MAP4K5: variants seen among roughly 807,000 people sequenced by gnomAD.
MAP4K5 encodes mitogen-activated protein kinase kinase kinase kinase 5.
Under a neutral mutation model 135.6 loss-of-function variants are expected in MAP4K5, and 82 were observed. That is an observed-to-expected ratio of 0.60 (90% confidence interval 0.51 to 0.73). The LOEUF is 0.73. Among genes scored for constraint, MAP4K5 ranks in the 30% least tolerant of loss-of-function variants. The pLI is 0.00. For missense variants in MAP4K5, 907 were observed against 1,010.9 expected, an observed-to-expected ratio of 0.90 and a Z score of 1.39; for synonymous variants, 347 against 335.0, an observed-to-expected ratio of 1.04 and a Z score of -0.39.
At chr14:50,445,316 C>G (rs1265408017) in intron 17 of MAP4K5, 122 bp from the exon 18 acceptor site, 6 of 764,200 alleles carry the variant, frequency 7.9e-6, no homozygotes, top group Non-Finnish European at 9.7e-6. Flanking sequence ...GCTAAGTGAG[C>G]AAAGTAAGAG....
At chr14:50,556,921 C>A (rs879761545) in intron 1 of MAP4K5, among the ~76,000 whole-genome samples, 39 of 152,060 alleles carry the variant, frequency 2.6e-4, no homozygotes, top group Non-Finnish European at 5.1e-4. Context: ...TTGTTTCCAC[C>A]TTTTGGCTAT....
rs550076734 is a variant in MAP4K5 at position 50,464,177 on chromosome 14, C to T, written c.738-44G>A. The T allele has an allele frequency of 8.0e-5, 75 of 936,348 alleles. 3 individuals carry two copies. In the South Asian group the frequency reaches 1.0e-3, roughly 13 times the overall value. 58.0% of individuals were successfully genotyped at this position (936,348 alleles called of 1,614,324 possible). ...GTACAAAAATATTTCACTACTATTA[C>T]GTTTCGGTGTTAGTAAATAACATTA... On this transcript the variant is annotated intron_variant, in intron 11 of 32. Transcript: ENST00000682126.
intron 29 of MAP4K5, 85 bp from the exon 30 acceptor site, chr14:50,428,839 A>G: frequency 1.4e-6 from 1 of 709,420 alleles, no homozygotes; most frequent in Non-Finnish European, 2.4e-6. Context: ...TTACATGGAT[A>G]TCAAATAATA....
chr14:50,453,063 T>C (rs981627831), intron 14 of MAP4K5, among the ~76,000 whole-genome samples: 1 of 151,914 alleles, frequency 6.6e-6, no homozygotes, highest in Admixed American at 6.6e-5. Context: ...TTCTTACTAT[T>C]GCCCTTTGCA....
At chr14:50,430,432 T>A (rs1184509854) in intron 28 of MAP4K5, among the ~76,000 whole-genome samples, 1 of 152,236 alleles carries the variant, frequency 6.6e-6, no homozygotes, top group Admixed American at 6.5e-5. Context: ...GGCCACATTC[T>A]TAAAAGTACT....
chr14:50,514,787 G>A (rs1008203977), intron 2 of MAP4K5, among the ~76,000 whole-genome samples: 1 of 152,068 alleles, frequency 6.6e-6, no homozygotes, highest in South Asian at 2.1e-4. Flanking sequence ...TGCATTAAGG[G>A]AATATAAAGA....
In MAP4K5 at chr14:50,437,911, T is replaced by G; in HGVS notation, c.1806A>C (p.Pro602=). The G allele has an allele frequency of 6.2e-7, 1 of 1,605,012 alleles. No individual in the cohort carries two copies. Among genetic ancestry groups the G allele is most frequent in the Non-Finnish European group, 8.5e-7 (1 of 1,172,060 alleles). The part of the protein sequence containing the change: ...LAAHIQTHRF[P]DRILPRKFAL... ...TTTTGTACCTTGGTAGTATTCGGTC[T>G]GGAAACCTGTGAGTTTGAATATGGG... The change falls in exon 25 of 33, where the codon CCA becomes CCC. Residue 602 remains proline (P), a synonymous_variant. Transcript: ENST00000682126.
chr14:50,427,996 G>C (rs2035883478), intron 30 of MAP4K5, among the ~76,000 whole-genome samples: 1 of 152,176 alleles, frequency 6.6e-6, no homozygotes, highest in South Asian at 2.1e-4. Flanking sequence ...ATTGGGGGAA[G>C]TATAATTCAC....
intron 2 of MAP4K5, among the ~76,000 whole-genome samples, chr14:50,542,259 C>T (rs12880338): frequency 8.1e-6 from 1 of 123,202 alleles, no homozygotes; most frequent in Non-Finnish European, 1.6e-5. Context: ...GGGAGGGGAA[C>T]ATCACACACC....
At chr14:50,452,790 G>C (rs1344936081) in intron 14 of MAP4K5, among the ~76,000 whole-genome samples, 1 of 152,176 alleles carries the variant, frequency 6.6e-6, no homozygotes, top group African/African-American at 2.4e-5. Flanking sequence ...TCAAAAAGAG[G>C]TGACAAGGAA....
chr14:50,498,739 T>C (rs897795571), intron 3 of MAP4K5, among the ~76,000 whole-genome samples: 6 of 152,248 alleles, frequency 3.9e-5, no homozygotes, highest in Admixed American at 3.3e-4. Flanking sequence ...TGGAATTTCA[T>C]TTACTTAAAA....
chr14:50,421,504 C>T (rs900081030), intron 32 of MAP4K5, among the ~76,000 whole-genome samples: 2 of 151,892 alleles, frequency 1.3e-5, no homozygotes, highest in Non-Finnish European at 2.9e-5. Context: ...TCAGGTGATC[C>T]ACCTGCGTCG....
intron 25 of MAP4K5, 93 bp from the exon 26 acceptor site, chr14:50,437,627 G>C: frequency 1.1e-6 from 1 of 908,316 alleles, no homozygotes; most frequent in Non-Finnish European, 1.7e-6. Context: ...ACAGAAAGGA[G>C]CTTAAAAAAC....
At chr14:50,511,226 C>CA (rs1287813067) in intron 2 of MAP4K5, among the ~76,000 whole-genome samples, 9 of 151,842 alleles carry the variant, frequency 5.9e-5, no homozygotes, top group Non-Finnish European at 1.0e-4. Flanking sequence ...TATTTAGCCA[C>CA]AAAAAAGAAT....
At chr14:50,525,866 G>A (rs571292013) in intron 2 of MAP4K5, among the ~76,000 whole-genome samples, 17 of 152,130 alleles carry the variant, frequency 1.1e-4, no homozygotes, top group Non-Finnish European at 2.2e-4. Context: ...ATAAATAATT[G>A]AAAAGGTCCA....
chr14:50,423,330 C>T (rs1273338359), intron 31 of MAP4K5, among the ~76,000 whole-genome samples, 154 bp from the exon 32 acceptor site: 1 of 150,288 alleles, frequency 6.7e-6, no homozygotes, highest in Non-Finnish European at 1.5e-5. Context: ...TTTTTGATTG[C>T]ATATTATTAG....
intron 2 of MAP4K5, among the ~76,000 whole-genome samples, chr14:50,509,822 T>C (rs185561994): frequency 2.0e-5 from 3 of 152,298 alleles, no homozygotes; most frequent in African/African-American, 7.2e-5. Context: ...AAATTGTTTT[T>C]TCATTTAAAA....
Position 50,484,815 on chromosome 14 carries a change from C to T in MAP4K5, c.322+763G>A, listed in dbSNP as rs374297229. On this transcript the variant is annotated intron_variant, in intron 5 of 32. Coordinates refer to ENST00000682126, the MANE Select transcript of MAP4K5 (RefSeq NM_006575.6). Reference sequence around the variant, plus strand: ...CTACTGTGGCTGCATTTGTAAACTGCATGACTGAAATTTGGTAAGGTTTCC... The same window carrying T: ...CTACTGTGGCTGCATTTGTAAACTGTATGACTGAAATTTGGTAAGGTTTCC... Among the ~76,000 whole-genome samples the T allele has an allele frequency of 7.2e-5, 11 of 152,250 alleles. No individual in the cohort carries two copies. In the East Asian group the frequency reaches 7.7e-4, roughly 11 times the overall value.
intron 5 of MAP4K5, 131 bp downstream of exon 5, chr14:50,485,447 T>C (rs531617372): frequency 1.3e-5 from 8 of 606,894 alleles, no homozygotes; most frequent in African/African-American, 5.6e-5. Flanking sequence ...ATTTCTGTTA[T>C]GCAGTGCTCC....
Sources: gnomAD v4.1 joint callset for allele counts (sites outside exome capture counted in the v4.1 genomes callset) on GRCh38, gnomAD v4.1.1 for gene constraint, MANE v1.5 for transcripts, NCBI Gene and HGNC (gene_info 2026-07-23, HGNC 2026-07-21) for gene names.